The following MTUS2 variants were observed in gnomAD, a reference collection of about 807,000 sequenced individuals.
MTUS2 encodes microtubule-associated tumor suppressor candidate 2.
MTUS2 carries 40 observed loss-of-function variants against 114.1 expected under a neutral mutation model. The ratio of observed to expected loss-of-function variants is 0.35; its 90% CI spans 0.27 to 0.46. The LOEUF is 0.46. MTUS2 is among the 20% of genes least tolerant of loss of function. The pLI is 1.00. For missense variants in MTUS2, 1,679 were observed against 1,705.4 expected, an observed-to-expected ratio of 0.98 and a Z score of 0.27; for synonymous variants, 688 against 672.0, an observed-to-expected ratio of 1.02 and a Z score of -0.37.
chr13:28,998,086 G>T (rs900828525), intron 2 of MTUS2, among the ~76,000 whole-genome samples: 29 of 151,972 alleles, frequency 1.9e-4, no homozygotes, highest in Non-Finnish European at 3.7e-4. Flanking sequence ...GGCAGGCCTG[G>T]TGGTGACAAA....
intron 1 of MTUS2, among the ~76,000 whole-genome samples, chr13:28,822,991 A>G (rs1184260979): frequency 1.3e-5 from 2 of 152,172 alleles, no homozygotes; most frequent in African/African-American, 4.8e-5. Context: ...TCGCACACAC[A>G]TGGGATTGTT....
chr13:29,196,767 C>A (rs1446530251), intron 5 of MTUS2, among the ~76,000 whole-genome samples: 1 of 152,190 alleles, frequency 6.6e-6, no homozygotes, highest in Non-Finnish European at 1.5e-5. Flanking sequence ...ATCCATACTG[C>A]AGCATATGGC....
intron 2 of MTUS2, among the ~76,000 whole-genome samples, chr13:28,912,936 C>T (rs531506297): frequency 7.9e-5 from 12 of 151,860 alleles, no homozygotes; most frequent in African/African-American, 2.2e-4. Context: ...TGCTAAATGA[C>T]GAGTTAATGG....
chr13:28,956,210 C>G (rs1261959563), intron 2 of MTUS2, among the ~76,000 whole-genome samples: 2 of 152,086 alleles, frequency 1.3e-5, no homozygotes, highest in Admixed American at 6.5e-5. Context: ...TCTCTAATCT[C>G]ATAGACATGG....
chr13:29,079,256 A>G (rs1236946306), intron 4 of MTUS2, among the ~76,000 whole-genome samples: 3 of 152,062 alleles, frequency 2.0e-5, no homozygotes, highest in South Asian at 4.2e-4. Flanking sequence ...TTTATTTGCT[A>G]ATTTTAAAAT....
At chr13:29,169,695 T>C (rs1893471986) in intron 5 of MTUS2, among the ~76,000 whole-genome samples, 1 of 152,330 alleles carries the variant, frequency 6.6e-6, no homozygotes. Flanking sequence ...TGTGCAAGTA[T>C]TTAATTTTTT....
At chr13:29,348,208 T>C (rs1323512858) in intron 7 of MTUS2, among the ~76,000 whole-genome samples, 1 of 152,150 alleles carries the variant, frequency 6.6e-6, no homozygotes, top group Non-Finnish European at 1.5e-5. Context: ...CCTGAAACTA[T>C]CCAGGAGCCA....
At chr13:29,321,676 T>C (rs1566129388) in intron 6 of MTUS2, among the ~76,000 whole-genome samples, 1 of 152,212 alleles carries the variant, frequency 6.6e-6, no homozygotes, top group Non-Finnish European at 1.5e-5. Context: ...TCCTTTTTGC[T>C]TATTAGTTAT....
intron 5 of MTUS2, among the ~76,000 whole-genome samples, chr13:29,181,887 C>A (rs374990683): frequency 1.1e-4 from 17 of 151,430 alleles, no homozygotes; most frequent in African/African-American, 3.9e-4. Context: ...TAGAAAATAA[C>A]TAACAGATAC....
intron 11 of MTUS2, among the ~76,000 whole-genome samples, chr13:29,488,900 A>G (rs560106530): frequency 6.6e-6 from 1 of 152,346 alleles, no homozygotes; most frequent in Non-Finnish European, 1.5e-5. Flanking sequence ...GCAGCATTTT[A>G]CACTTTCACA....
intron 2 of MTUS2, among the ~76,000 whole-genome samples, chr13:28,893,589 G>A (rs1208466560): frequency 1.3e-5 from 2 of 152,108 alleles, no homozygotes; most frequent in Non-Finnish European, 2.9e-5. Flanking sequence ...ATTATCCTAA[G>A]GTTTCATCAT....
At position 28,860,522 on chromosome 13, in the gene MTUS2, A is replaced by G. The variant is rs905755921; in HGVS notation, c.-243+20672A>G. 3.3e-5 allele frequency among the ~76,000 whole-genome samples: 5 copies of G among 152,342 alleles called. No homozygotes were observed. The East Asian group carries it at 7.7e-4, about 24-fold the overall frequency. ...GGAAAATGCGGCTAGGAAGGGGGCTATCTGGCCTTCAGTCAAGGCAGTGGC... is the reference window on the plus strand; with the variant it reads ...GGAAAATGCGGCTAGGAAGGGGGCTGTCTGGCCTTCAGTCAAGGCAGTGGC... On this transcript the variant is annotated intron_variant, in intron 2 of 15. Coordinates refer to ENST00000612955, the MANE Select transcript of MTUS2 (RefSeq NM_001033602.4).
At chr13:29,447,963 G>A (rs999872702) in intron 9 of MTUS2, among the ~76,000 whole-genome samples, 1 of 152,104 alleles carries the variant, frequency 6.6e-6, no homozygotes, top group African/African-American at 2.4e-5. Context: ...GAGCACTGAT[G>A]TATTTGTAAG....
intron 2 of MTUS2, among the ~76,000 whole-genome samples, chr13:28,846,058 AT>A (rs1566173512): frequency 3.6e-4 from 48 of 131,904 alleles, no homozygotes; most frequent in African/African-American, 1.5e-3. Context: ...AAAAAAAAAT[AT>A]ATATATATAT....
At chr13:28,951,545 TC>T (rs1302466678) in intron 2 of MTUS2, among the ~76,000 whole-genome samples, 1 of 152,156 alleles carries the variant, frequency 6.6e-6, no homozygotes, top group African/African-American at 2.4e-5. Context: ...ACACCTGTAA[TC>T]CCAGCACTTT....
chr13:29,227,160 G>A (rs1055348364), intron 5 of MTUS2, among the ~76,000 whole-genome samples: 1 of 151,856 alleles, frequency 6.6e-6, no homozygotes, highest in African/African-American at 2.4e-5. Context: ...TCGGGAGGCT[G>A]GGGTAGGAGA....
chr13:29,161,064 C>T (rs1893076338), intron 5 of MTUS2, among the ~76,000 whole-genome samples: 1 of 152,138 alleles, frequency 6.6e-6, no homozygotes, highest in Non-Finnish European at 1.5e-5. Flanking sequence ...GTGTGAGAGA[C>T]CCTTGTGGTA....
At chr13:28,853,162 A>T (rs1300980435) in intron 2 of MTUS2, among the ~76,000 whole-genome samples, 1 of 152,180 alleles carries the variant, frequency 6.6e-6, no homozygotes, top group East Asian at 1.9e-4. Flanking sequence ...TGGGAAAGGG[A>T]GGGGACAGTT....
At chr13:29,290,210 C>G (rs1372221567) in intron 6 of MTUS2, among the ~76,000 whole-genome samples, 1 of 152,178 alleles carries the variant, frequency 6.6e-6, no homozygotes, top group Non-Finnish European at 1.5e-5. Context: ...TATTTACTTA[C>G]CAGTTAAAAG....
Sources: allele counts gnomAD v4.1 joint callset (sites outside exome capture counted in the v4.1 genomes callset), GRCh38; gene constraint gnomAD v4.1.1; transcripts MANE v1.5; gene names NCBI Gene and HGNC (gene_info 2026-07-23, HGNC 2026-07-21).